Variants in TBL1X observed in about 807,000 individuals in gnomAD.
TBL1X encodes the protein F-box-like/WD repeat-containing protein TBL1X.
In TBL1X, 10 loss-of-function variants were observed where a neutral mutation model predicts 50.7. That is an observed-to-expected ratio of 0.20 (90% CI 0.12 to 0.33). The LOEUF is 0.33. Among genes scored for constraint, TBL1X ranks in the 10% least tolerant of loss-of-function variants. The pLI, the probability that TBL1X is intolerant of heterozygous loss-of-function variation, is 1.00. For synonymous variants in TBL1X, 190 were observed against 214.7 expected (o/e 0.88, Z 1.01); for missense variants, 340 against 504.4 (o/e 0.67, Z 3.12).
intron 1 of TBL1X, among the ~76,000 whole-genome samples, chrX:9,467,320 A>G (rs2081782356): frequency 8.9e-6 from 1 of 111,954 alleles, no homozygotes; most frequent in Non-Finnish European, 1.9e-5. Context: ...CACCTCCGCT[A>G]GAACCTGGGT....
At chrX:9,576,599 A>T (rs746552733) in intron 2 of TBL1X, among the ~76,000 whole-genome samples, 1 of 109,484 alleles carries the variant, frequency 9.1e-6, no homozygotes, top group South Asian at 4.0e-4. Flanking sequence ...CTTCCTGTTT[A>T]AAAAAATTAC....
In TBL1X at chrX:9,719,279, G is replaced by A. The variant is rs895550681; in HGVS notation, c.*3033G>A. On this transcript the variant is annotated 3_prime_UTR_variant, in exon 18 of 18. Transcript: ENST00000645353. Reference sequence around the variant, plus strand: ...AGGGTGAAACCCTCTGACCCCTCGCGACACCGTAGGACTTGACTTTTGTTT... The same window carrying A: ...AGGGTGAAACCCTCTGACCCCTCGCAACACCGTAGGACTTGACTTTTGTTT... 7 of 112,125 alleles carry A rather than the reference G, an allele frequency of 6.2e-5. No individual in the cohort carries two copies. The highest frequency in any genetic ancestry group is 3.8e-5 in the Non-Finnish European group (2 of 53,151). 9.2% of individuals were successfully genotyped at this position (112,125 alleles called of 1,213,427 possible). A position where few individuals can be genotyped will look rare whatever the true frequency, so the allele number is the denominator to read the frequency against.
At chrX:9,673,209 C>G (rs2082970726) in intron 5 of TBL1X, among the ~76,000 whole-genome samples, 1 of 112,442 alleles carries the variant, frequency 8.9e-6, no homozygotes, top group South Asian at 3.7e-4. Flanking sequence ...AGAAAAACAT[C>G]AGGATTGTGT....
intron 1 of TBL1X, among the ~76,000 whole-genome samples, chrX:9,481,179 G>A (rs1569202689): frequency 3.6e-5 from 4 of 111,657 alleles, no homozygotes; most frequent in African/African-American, 9.8e-5. Flanking sequence ...TAAAATAGAC[G>A]AAAAAGCTTC....
chrX:9,545,547 G>GA (rs1315360542), intron 2 of TBL1X, among the ~76,000 whole-genome samples: 85 of 93,237 alleles, frequency 9.1e-4, no homozygotes, highest in Middle Eastern at 0.011. Context: ...TCCATCTCAA[G>GA]AAAAAAAAAA....
chrX:9,690,843 C>T lies in TBL1X; in HGVS notation c.617-736C>T, dbSNP rs568566599. On this transcript the variant is annotated intron_variant, in intron 7 of 17. Coordinates refer to ENST00000645353, the MANE Select transcript of TBL1X (RefSeq NM_005647.4). Reference sequence around the variant, plus strand: ...TCTTGGGCTCAAGTGATCCTCCCACCGCAGCCTCCTGAGTAGCTGGGACTA... The same window carrying T: ...TCTTGGGCTCAAGTGATCCTCCCACTGCAGCCTCCTGAGTAGCTGGGACTA... Among the ~76,000 whole-genome samples the T allele has an allele frequency of 5.9e-4, 66 of 111,397 alleles. No individual in the cohort carries two copies. In the South Asian group the frequency reaches 0.017, roughly 29 times the overall value.
chrX:9,524,044 T>C (rs1220231111), intron 2 of TBL1X, among the ~76,000 whole-genome samples: 2 of 95,779 alleles, frequency 2.1e-5, no homozygotes, highest in Non-Finnish European at 4.1e-5. Flanking sequence ...CTTCACTCAC[T>C]GCAACCTCCA....
chrX:9,515,242 C>T (rs773058937), intron 2 of TBL1X, among the ~76,000 whole-genome samples: 4 of 111,895 alleles, frequency 3.6e-5, no homozygotes, highest in Non-Finnish European at 5.6e-5. Flanking sequence ...AAGTGATGAT[C>T]ATCTTGTGTT....
chrX:9,560,785 G>A (rs1462306578), intron 2 of TBL1X, among the ~76,000 whole-genome samples: 1 of 111,562 alleles, frequency 9.0e-6, no homozygotes, highest in Admixed American at 9.5e-5. Flanking sequence ...ATTTGCCGGG[G>A]CTTTTTACGG....
intron 5 of TBL1X, among the ~76,000 whole-genome samples, chrX:9,669,916 T>TG (rs1279930916): frequency 8.9e-6 from 1 of 111,821 alleles, no homozygotes; most frequent in East Asian, 2.8e-4. Flanking sequence ...CTGACCTGGC[T>TG]GACTGTCTTG....
At chrX:9,569,003 T>C (rs1293534371) in intron 2 of TBL1X, among the ~76,000 whole-genome samples, 1 of 110,506 alleles carries the variant, frequency 9.0e-6, no homozygotes, top group Non-Finnish European at 1.9e-5. Flanking sequence ...GCTGTGTGTG[T>C]GTCTGTGCAG....
intron 2 of TBL1X, among the ~76,000 whole-genome samples, chrX:9,613,761 G>A (rs911403977): frequency 4.5e-5 from 5 of 110,385 alleles, no homozygotes; most frequent in Admixed American, 9.6e-5. Flanking sequence ...CTTGGCGGGC[G>A]GATCACCTGA....
At chrX:9,537,771 T>C (rs758203674) in intron 2 of TBL1X, among the ~76,000 whole-genome samples, 4 of 112,702 alleles carry the variant, frequency 3.5e-5, no homozygotes, top group African/African-American at 1.3e-4. Flanking sequence ...GCTATGAGCA[T>C]TGGCATATGT....
intron 2 of TBL1X, among the ~76,000 whole-genome samples, chrX:9,549,854 T>C (rs2082262549): frequency 9.0e-6 from 1 of 111,130 alleles, no homozygotes; most frequent in South Asian, 3.8e-4. Flanking sequence ...TGGTTCAGAG[T>C]CTGGACTTAG....
intron 2 of TBL1X, among the ~76,000 whole-genome samples, chrX:9,561,730 CTGAT>C (rs1387765010): frequency 8.9e-6 from 1 of 112,168 alleles, no homozygotes; most frequent in South Asian, 3.7e-4. Context: ...CTTGGATTAG[CTGAT>C]TATTTTTTTC....
chrX:9,497,740 TCCTCCCTCCCTCCCTCCCTCCCTC>T (rs58273803), intron 1 of TBL1X, among the ~76,000 whole-genome samples: 1 of 72,049 alleles, frequency 1.4e-5, no homozygotes, highest in Non-Finnish European at 2.6e-5. Flanking sequence ...ATTAGCGTGT[TCCTCCCTCCCTCCCTCCCTCCCTC>T]CCTCCCTCCC....
At chrX:9,524,565 C>G (rs1052832987) in intron 2 of TBL1X, among the ~76,000 whole-genome samples, 1 of 111,845 alleles carries the variant, frequency 8.9e-6, no homozygotes, top group Non-Finnish European at 1.9e-5. Context: ...GAATGTCTTT[C>G]CTTTTTAAGG....
At chrX:9,635,022 C>T (rs1359697548) in intron 2 of TBL1X, among the ~76,000 whole-genome samples, 1 of 111,350 alleles carries the variant, frequency 9.0e-6, no homozygotes, top group Admixed American at 9.5e-5. Flanking sequence ...TTCGAGGCTG[C>T]AGGCAAGATG....
At chrX:9,701,185 C>T (rs1024690640) in intron 12 of TBL1X, among the ~76,000 whole-genome samples, 1 of 111,469 alleles carries the variant, frequency 9.0e-6, no homozygotes. Context: ...GAAATGTAAC[C>T]CTCAGGAGAA....
Sources: gnomAD v4.1 joint callset for allele counts (sites outside exome capture counted in the v4.1 genomes callset) on GRCh38, gnomAD v4.1.1 for gene constraint, MANE v1.5 for transcripts, NCBI Gene and HGNC (gene_info 2026-07-23, HGNC 2026-07-21) for gene names.